The following MALRD1 variants were observed in gnomAD, a reference collection of about 807,000 sequenced individuals.
MALRD1 encodes the protein MAM and LDL-receptor class A domain-containing protein 1.
MALRD1 carries 247 observed loss-of-function variants against 242.1 expected under a neutral mutation model. The observed-to-expected ratio is 1.02, with a 90% CI of 0.92 to 1.13. The LOEUF (loss-of-function observed/expected upper bound fraction) is 1.13, where lower values mean the gene tolerates loss of function less well. MALRD1 is among the 50% of genes most tolerant of loss of function. The pLI is 0.00. For missense variants in MALRD1, 2,989 were observed against 2,533.1 expected, an observed-to-expected ratio of 1.18 and a Z score of -3.86; for synonymous variants, 995 against 866.6, an observed-to-expected ratio of 1.15 and a Z score of -2.60.
At chr10:19,252,466 T>A (rs1043096746) in intron 18 of MALRD1, among the ~76,000 whole-genome samples, 1 of 152,100 alleles carries the variant, frequency 6.6e-6, no homozygotes, top group Non-Finnish European at 1.5e-5. Flanking sequence ...CAGCAAGCTA[T>A]AAGCCAGACA....
intron 34 of MALRD1, among the ~76,000 whole-genome samples, chr10:19,604,717 A>G (rs754652604): frequency 3.9e-5 from 6 of 152,196 alleles, no homozygotes; most frequent in Non-Finnish European, 5.9e-5. Flanking sequence ...AGGAGAAGTC[A>G]ATGCCTGGCT....
intron 29 of MALRD1, among the ~76,000 whole-genome samples, chr10:19,490,149 G>A (rs1358282721): frequency 6.6e-6 from 1 of 152,056 alleles, no homozygotes; most frequent in Non-Finnish European, 1.5e-5. Context: ...CTTAGGAATT[G>A]TGTACATATT....
At chr10:19,711,951 A>G (rs1258273081) in intron 38 of MALRD1, among the ~76,000 whole-genome samples, 1 of 152,138 alleles carries the variant, frequency 6.6e-6, no homozygotes, top group Non-Finnish European at 1.5e-5. Context: ...GCTGGTCAAA[A>G]GGGGGCAGGT....
At chr10:19,561,541 C>A (rs761231220) in intron 32 of MALRD1, among the ~76,000 whole-genome samples, 3 of 152,086 alleles carry the variant, frequency 2.0e-5, no homozygotes, top group Admixed American at 2.0e-4. Flanking sequence ...TAAATGATTG[C>A]TACGTCTCTT....
chr10:19,257,270 G>C (rs113273403), intron 18 of MALRD1, among the ~76,000 whole-genome samples: 2,448 of 152,210 alleles, frequency 0.016, 37 homozygotes, highest in Middle Eastern at 0.031. Context: ...GAAAATCTAG[G>C]AGGATGAGGA....
At chr10:19,063,644 C>T (rs1296621117) in intron 1 of MALRD1, among the ~76,000 whole-genome samples, 1 of 152,060 alleles carries the variant, frequency 6.6e-6, no homozygotes, top group African/African-American at 2.4e-5. Flanking sequence ...ACATAGTATT[C>T]CATGGTGTAT....
At chr10:19,463,285 T>G (rs972846533) in intron 29 of MALRD1, among the ~76,000 whole-genome samples, 1 of 152,076 alleles carries the variant, frequency 6.6e-6, no homozygotes, top group African/African-American at 2.4e-5. Flanking sequence ...CAGTACACAG[T>G]GAACCCAATT....
chr10:19,663,899 C>G lies in MALRD1; in HGVS notation c.6138-28383C>G, dbSNP rs1470941405. 9.9e-5 allele frequency among the ~76,000 whole-genome samples: 15 copies of G among 152,112 alleles called. No individual in the cohort carries two copies. In the East Asian group the frequency reaches 2.7e-3, roughly 27 times the overall value. On this transcript the variant is annotated intron_variant, in intron 36 of 39. Coordinates refer to ENST00000454679, the MANE Select transcript of MALRD1 (RefSeq NM_001142308.3). ...CCAGTGTTTTTTCGGCTAGACAGAA[C>G]AGGCCTTTTGGGGAACTTTTATTGG... is the stretch of plus-strand genomic sequence containing the variant.
At chr10:19,163,525 A>G (rs72790786) in intron 12 of MALRD1, among the ~76,000 whole-genome samples, 21,468 of 151,770 alleles carry the variant, frequency 0.14, 1,538 homozygotes, top group Middle Eastern at 0.2. Flanking sequence ...GAGGAGGGAG[A>G]GGAGCAGAAA....
intron 18 of MALRD1, among the ~76,000 whole-genome samples, chr10:19,225,215 A>G (rs1185025400): frequency 4.6e-5 from 7 of 152,168 alleles, no homozygotes; most frequent in Non-Finnish European, 8.8e-5. Context: ...GAAGTCTGCT[A>G]TGGTTAAGGT....
intron 29 of MALRD1, among the ~76,000 whole-genome samples, chr10:19,457,070 T>C (rs1372720366): frequency 6.6e-6 from 1 of 152,176 alleles, no homozygotes; most frequent in Non-Finnish European, 1.5e-5. Flanking sequence ...TTTGATATGA[T>C]TGCCATCACT....
At chr10:19,457,078 A>C (rs1372177647) in intron 29 of MALRD1, among the ~76,000 whole-genome samples, 1 of 152,128 alleles carries the variant, frequency 6.6e-6, no homozygotes, top group South Asian at 2.1e-4. Flanking sequence ...GATTGCCATC[A>C]CTCATCAACA....
chr10:19,247,880 G>A (rs1187634878), intron 18 of MALRD1, among the ~76,000 whole-genome samples: 2 of 152,002 alleles, frequency 1.3e-5, no homozygotes, highest in Non-Finnish European at 2.9e-5. Flanking sequence ...AGCAAGGAAA[G>A]ATTCACGAAT....
intron 21 of MALRD1, among the ~76,000 whole-genome samples, chr10:19,310,626 T>G (rs976830351): frequency 4.6e-5 from 7 of 151,542 alleles, no homozygotes; most frequent in Admixed American, 2.0e-4. Context: ...AATTTGGTCT[T>G]AAGATCTTTC....
intron 31 of MALRD1, among the ~76,000 whole-genome samples, chr10:19,515,661 G>T (rs74661552): frequency 6.6e-6 from 1 of 151,822 alleles, no homozygotes. Flanking sequence ...CCGGGTTCAC[G>T]CCATTCTCCT....
intron 30 of MALRD1, among the ~76,000 whole-genome samples, chr10:19,496,117 T>C (rs1053755573): frequency 2.0e-5 from 3 of 152,046 alleles, no homozygotes; most frequent in African/African-American, 7.2e-5. Context: ...CAAACAATAA[T>C]AGTGGAAGAC....
At chr10:19,243,056 C>G (rs1372142851) in intron 18 of MALRD1, among the ~76,000 whole-genome samples, 1 of 138,532 alleles carries the variant, frequency 7.2e-6, no homozygotes, top group Admixed American at 7.9e-5. Flanking sequence ...AGCTTTGTTT[C>G]TTTTCCCTTT....
intron 29 of MALRD1, among the ~76,000 whole-genome samples, chr10:19,461,891 C>G (rs775926533): frequency 6.6e-6 from 1 of 152,210 alleles, no homozygotes; most frequent in East Asian, 1.9e-4. Context: ...CTCTACTTTA[C>G]CGTACATAAA....
intron 14 of MALRD1, among the ~76,000 whole-genome samples, chr10:19,198,146 A>G (rs956534276): frequency 1.2e-4 from 19 of 152,272 alleles, no homozygotes; most frequent in African/African-American, 4.6e-4. Flanking sequence ...AGCGTCAAGT[A>G]TTGTGAAGGA....
Sources: allele counts gnomAD v4.1 joint callset (sites outside exome capture counted in the v4.1 genomes callset), GRCh38; gene constraint gnomAD v4.1.1; transcripts MANE v1.5; gene names NCBI Gene and HGNC (gene_info 2026-07-23, HGNC 2026-07-21).